The following SLC9A9 variants were observed in gnomAD, a reference collection of about 807,000 sequenced individuals.
SLC9A9 encodes the protein sodium/hydrogen exchanger 9.
Under a neutral mutation model 77.8 loss-of-function variants are expected in SLC9A9, and 62 were observed. The ratio of observed to expected loss-of-function variants is 0.80; its 90% CI spans 0.65 to 0.98. The LOEUF is 0.98. Ranked by LOEUF, SLC9A9 falls within the 50% of genes least tolerant of loss-of-function variation. The pLI is 0.00. For missense variants in SLC9A9, 775 were observed against 774.9 expected (o/e 1.00, Z 0.00); for synonymous variants, 320 against 283.5 (o/e 1.13, Z -1.29).
intron 9 of SLC9A9, among the ~76,000 whole-genome samples, chr3:143,547,920 G>A (rs1042996626): frequency 1.3e-5 from 2 of 152,070 alleles, no homozygotes; most frequent in Non-Finnish European, 2.9e-5. Context: ...TTTGTTCACT[G>A]TTGTATCCCC....
chr3:143,695,116 C>G (rs1933591916), intron 4 of SLC9A9, among the ~76,000 whole-genome samples: 1 of 152,128 alleles, frequency 6.6e-6, no homozygotes. Flanking sequence ...TTACCAGGTG[C>G]ACAGTCTCTT....
At chr3:143,518,232 C>A in intron 9 of SLC9A9, 1 of 1,594,598 alleles carries the variant, frequency 6.3e-7, no homozygotes, top group Non-Finnish European at 8.5e-7. Context: ...GGGTCCATGG[C>A]AGGGAGGTGG....
rs201250313 is a variant in SLC9A9 at position 143,467,111 on chromosome 3, C to T, written c.1395G>A (p.Thr465=). The change falls in exon 12 of 16, where the codon ACG becomes ACA. Residue 465 remains threonine, a synonymous_variant. Coordinates refer to ENST00000316549, the MANE Select transcript of SLC9A9 (RefSeq NM_173653.4). ...AGACAGTGAAGAACACGAGGAGCAG[C>T]GTAGTGGTAAACATCATTTGTTTGG... ...SQPKQMMFTT[T]LLLVFFTVWV... The T allele has an allele frequency of 9.3e-6, 15 of 1,614,120 alleles. No homozygotes were observed. The Admixed American group carries it at 1.3e-4, about 14-fold the overall frequency.
At chr3:143,317,281 T>C (rs1368686991) in intron 14 of SLC9A9, among the ~76,000 whole-genome samples, 1 of 152,014 alleles carries the variant, frequency 6.6e-6, no homozygotes, top group Admixed American at 6.5e-5. Context: ...ACATGGTCAC[T>C]ATGGCCAGGG....
At chr3:143,360,336 T>C (rs1006787344) in intron 14 of SLC9A9, among the ~76,000 whole-genome samples, 10 of 152,236 alleles carry the variant, frequency 6.6e-5, no homozygotes, top group Admixed American at 3.3e-4. Flanking sequence ...CATTTCTCAA[T>C]TTCTTCTTTG....
At chr3:143,311,989 A>G (rs750771013) in intron 14 of SLC9A9, among the ~76,000 whole-genome samples, 1 of 152,256 alleles carries the variant, frequency 6.6e-6, no homozygotes, top group Non-Finnish European at 1.5e-5. Context: ...GAAACATTCT[A>G]TTTGTCTATT....
At chr3:143,748,479 T>C (rs1476571438) in intron 4 of SLC9A9, among the ~76,000 whole-genome samples, 1 of 152,226 alleles carries the variant, frequency 6.6e-6, no homozygotes, top group Non-Finnish European at 1.5e-5. Context: ...GGTTTTCTTT[T>C]TCTTTTCATG....
intron 2 of SLC9A9, among the ~76,000 whole-genome samples, chr3:143,820,894 CTTTCTT>C (rs936698854): frequency 3.8e-4 from 57 of 148,998 alleles, no homozygotes; most frequent in African/African-American, 1.2e-3. Context: ...CAATCCTAGT[CTTTCTT>C]TGTCTTATTT....
At chr3:143,762,363 C>T (rs1249288239) in intron 4 of SLC9A9, among the ~76,000 whole-genome samples, 1 of 152,070 alleles carries the variant, frequency 6.6e-6, no homozygotes, top group Non-Finnish European at 1.5e-5. Flanking sequence ...ATAACCACCA[C>T]CATCATACCT....
chr3:143,356,491 A>C (rs2032588551), intron 14 of SLC9A9, among the ~76,000 whole-genome samples: 1 of 152,188 alleles, frequency 6.6e-6, no homozygotes, highest in Non-Finnish European at 1.5e-5. Context: ...AGTCACAAGA[A>C]CACAGGAGTC....
At chr3:143,406,416 C>T (rs1034079378) in intron 12 of SLC9A9, among the ~76,000 whole-genome samples, 13 of 150,782 alleles carry the variant, frequency 8.6e-5, no homozygotes, top group African/African-American at 2.2e-4. Flanking sequence ...TCACTCTTGT[C>T]GCCCAAGGTG....
chr3:143,316,383 C>T (rs572484938), intron 14 of SLC9A9, among the ~76,000 whole-genome samples: 46 of 152,194 alleles, frequency 3.0e-4, no homozygotes, highest in Non-Finnish European at 5.3e-4. Flanking sequence ...CAGGCAGCTT[C>T]GATTTCTTGT....
At chr3:143,656,011 GA>G (rs1311383202) in intron 5 of SLC9A9, among the ~76,000 whole-genome samples, 3 of 152,144 alleles carry the variant, frequency 2.0e-5, no homozygotes, top group Non-Finnish European at 4.4e-5. Context: ...GAAAGGATGA[GA>G]AAACTGCTGG....
intron 14 of SLC9A9, among the ~76,000 whole-genome samples, chr3:143,357,370 C>T (rs941210462): frequency 6.6e-6 from 1 of 152,094 alleles, no homozygotes; most frequent in Non-Finnish European, 1.5e-5. Flanking sequence ...CCATGCCTAC[C>T]CTCAGTACCT....
chr3:143,463,892 A>G (rs2035238818), intron 12 of SLC9A9, among the ~76,000 whole-genome samples: 1 of 152,202 alleles, frequency 6.6e-6, no homozygotes, highest in Admixed American at 6.5e-5. Flanking sequence ...ACTGTTTTAA[A>G]GTCAGTTCCA....
At chr3:143,549,842 CA>C (rs5853113) in intron 9 of SLC9A9, among the ~76,000 whole-genome samples, 54,840 of 151,860 alleles carry the variant, frequency 0.36, 10,112 homozygotes, top group African/African-American at 0.44. Context: ...CTCAGAGAAC[CA>C]AAAAGAGGTT....
intron 4 of SLC9A9, among the ~76,000 whole-genome samples, chr3:143,716,057 G>T (rs1050828875): frequency 1.3e-5 from 2 of 152,164 alleles, no homozygotes; most frequent in Admixed American, 1.3e-4. Context: ...AAAGAGAAAT[G>T]GTGCTTTTTC....
chr3:143,713,863 G>A (rs1934261700), intron 4 of SLC9A9, among the ~76,000 whole-genome samples: 1 of 152,206 alleles, frequency 6.6e-6, no homozygotes, highest in Non-Finnish European at 1.5e-5. Flanking sequence ...GAGACTGTAA[G>A]AGGAAGATGG....
chr3:143,325,867 C>T (rs539448329), intron 14 of SLC9A9, among the ~76,000 whole-genome samples: 20 of 152,308 alleles, frequency 1.3e-4, no homozygotes, highest in East Asian at 5.8e-4. Context: ...TCAGACATCA[C>T]TTGTGCATTT....
Sources: allele counts gnomAD v4.1 joint callset (sites outside exome capture counted in the v4.1 genomes callset), GRCh38; gene constraint gnomAD v4.1.1; transcripts MANE v1.5; gene names NCBI Gene and HGNC (gene_info 2026-07-23, HGNC 2026-07-21).